The following NCKAP5 variants were observed in gnomAD, a reference collection of about 807,000 sequenced individuals.
NCKAP5 encodes nck-associated protein 5.
In NCKAP5, 92 loss-of-function variants were observed where a neutral mutation model predicts 167.0. The observed-to-expected ratio is 0.55, with a 90% confidence interval of 0.47 to 0.66. NCKAP5 has a LOEUF of 0.66. Among genes scored for constraint, NCKAP5 ranks in the 30% least tolerant of loss-of-function variants. The probability of loss-of-function intolerance (pLI) is 0.00; values close to 1 mark genes in which losing one functional copy is unlikely to be tolerated. For missense variants in NCKAP5, 2,378 were observed against 2,315.0 expected, an observed-to-expected ratio of 1.03 and a Z score of -0.56; for synonymous variants, 891 against 877.4, an observed-to-expected ratio of 1.02 and a Z score of -0.27.
At chr2:132,995,899 G>A (rs891563163) in intron 6 of NCKAP5, among the ~76,000 whole-genome samples, 3 of 151,904 alleles carry the variant, frequency 2.0e-5, no homozygotes, top group Non-Finnish European at 4.4e-5. Flanking sequence ...GTTTGAACCC[G>A]GGAGGCAGAG....
chr2:133,549,982 A>G (rs1321442766), intron 2 of NCKAP5, among the ~76,000 whole-genome samples: 1 of 150,470 alleles, frequency 6.6e-6, no homozygotes, highest in Non-Finnish European at 1.5e-5. Context: ...TACGCAAATA[A>G]ACTAGAAAAT....
At position 132,673,289 on chromosome 2, in the gene NCKAP5, T is replaced by G; in HGVS notation, c.5730A>C (p.Ter1910CysextTer9). 2.0e-6 allele frequency: 3 copies of G among 1,498,544 alleles called. No homozygotes were observed. The highest frequency in any genetic ancestry group is 1.8e-6 in the Non-Finnish European group (2 of 1,114,716). The allele number at this position is 1,498,544 out of a possible 1,614,324, so 92.8% of individuals were successfully genotyped here. The change falls in exon 20 of 20, where the codon TGA becomes TGC. Residue 1910 changes from the stop codon to cysteine (C), a stop_lost. Transcript: ENST00000409261. ...ATTCTCGGGATCGTCTTTTGTTTCTTCAAGTTGTCTCAATTTCTGCAATAA... is the reference window on the plus strand; with the variant it reads ...ATTCTCGGGATCGTCTTTTGTTTCTGCAAGTTGTCTCAATTTCTGCAATAA... ...KSAAPEIETT* is the reference protein window; with the variant it reads ...KSAAPEIETTC
At chr2:133,493,042 T>A (rs1210129062) in intron 3 of NCKAP5, among the ~76,000 whole-genome samples, 1 of 152,212 alleles carries the variant, frequency 6.6e-6, no homozygotes, top group Non-Finnish European at 1.5e-5. Context: ...TACTCTGTAT[T>A]TATTTCAGCC....
chr2:132,816,570 C>T (rs1686291165), intron 11 of NCKAP5, among the ~76,000 whole-genome samples: 2 of 152,140 alleles, frequency 1.3e-5, no homozygotes, highest in Non-Finnish European at 2.9e-5. Context: ...GGCTCCCTCA[C>T]AAGATGGCCT....
chr2:133,166,315 A>G (rs1476561871), intron 5 of NCKAP5, among the ~76,000 whole-genome samples: 2 of 152,234 alleles, frequency 1.3e-5, no homozygotes, highest in African/African-American at 4.8e-5. Context: ...TAGAGATGCA[A>G]TCATAATTTA....
chr2:132,925,942 A>C (rs577189409), intron 8 of NCKAP5, among the ~76,000 whole-genome samples: 1 of 152,284 alleles, frequency 6.6e-6, no homozygotes, highest in African/African-American at 2.4e-5. Context: ...TACATGGATA[A>C]ATTGTGTAGT....
intron 5 of NCKAP5, among the ~76,000 whole-genome samples, chr2:133,196,394 G>T (rs1159758968): frequency 1.3e-5 from 2 of 152,134 alleles, no homozygotes; most frequent in African/African-American, 4.8e-5. Flanking sequence ...AAGGCATAGA[G>T]CTTCCTAAAG....
intron 6 of NCKAP5, among the ~76,000 whole-genome samples, chr2:132,998,502 T>G (rs1042170847): frequency 6.6e-6 from 1 of 152,166 alleles, no homozygotes; most frequent in Non-Finnish European, 1.5e-5. Context: ...TGGTAAAAAA[T>G]CAAGTTGTCC....
the NCKAP5 span, among the ~76,000 whole-genome samples, chr2:133,625,886 A>G: frequency 1.3e-5 from 2 of 151,702 alleles, no homozygotes; most frequent in Non-Finnish European, 2.9e-5. Context: ...AAAAAAAAAA[A>G]AGAATAATAA....
intron 3 of NCKAP5, among the ~76,000 whole-genome samples, chr2:133,477,095 A>G (rs1183137182): frequency 6.6e-6 from 1 of 152,236 alleles, no homozygotes; most frequent in Non-Finnish European, 1.5e-5. Flanking sequence ...ATACTCCCTT[A>G]TGGAGAAACT....
At chr2:133,233,282 C>A (rs1006935939) in intron 4 of NCKAP5, among the ~76,000 whole-genome samples, 1 of 152,096 alleles carries the variant, frequency 6.6e-6, no homozygotes, top group African/African-American at 2.4e-5. Flanking sequence ...ATGGTCCCTG[C>A]CCTCCGAAAG....
intron 11 of NCKAP5, among the ~76,000 whole-genome samples, chr2:132,855,075 G>C (rs1175909955): frequency 6.6e-6 from 1 of 152,102 alleles, no homozygotes; most frequent in Non-Finnish European, 1.5e-5. Context: ...CTTGTCTTTT[G>C]TATAGCTCTT....
intron 19 of NCKAP5, among the ~76,000 whole-genome samples, chr2:132,701,589 G>A (rs1235120243): frequency 1.3e-5 from 2 of 152,186 alleles, no homozygotes; most frequent in Non-Finnish European, 2.9e-5. Context: ...TTCAGGAATA[G>A]GAGGTGCTAT....
chr2:133,128,749 C>T (rs1191553323), intron 6 of NCKAP5, among the ~76,000 whole-genome samples: 1 of 152,074 alleles, frequency 6.6e-6, no homozygotes, highest in Non-Finnish European at 1.5e-5. Context: ...AGGCACCTGC[C>T]ATCATGCCCG....
intron 3 of NCKAP5, among the ~76,000 whole-genome samples, chr2:133,389,380 C>A (rs1687237412): frequency 6.6e-6 from 1 of 152,162 alleles, no homozygotes; most frequent in Non-Finnish European, 1.5e-5. Context: ...ATTATCCCTC[C>A]CAAATGTCAC....
intron 3 of NCKAP5, among the ~76,000 whole-genome samples, chr2:133,396,772 A>G (rs1687756292): frequency 6.6e-6 from 1 of 152,158 alleles, no homozygotes; most frequent in Non-Finnish European, 1.5e-5. Context: ...TAACACATAA[A>G]TTTTTGGAGG....
chr2:132,968,091 G>A (rs554574453), intron 7 of NCKAP5, among the ~76,000 whole-genome samples: 2 of 152,284 alleles, frequency 1.3e-5, no homozygotes, highest in Admixed American at 1.3e-4. Flanking sequence ...TCTAAAAGAG[G>A]AAGGCTAGCA....
intron 3 of NCKAP5, among the ~76,000 whole-genome samples, chr2:133,328,268 T>G (rs1247346371): frequency 1.3e-5 from 2 of 152,218 alleles, no homozygotes; most frequent in East Asian, 3.8e-4. Context: ...GCTGCGTATC[T>G]GCTCTCATTA....
At chr2:133,274,783 GA>G (rs35506573) in intron 4 of NCKAP5, among the ~76,000 whole-genome samples, 20,767 of 145,928 alleles carry the variant, frequency 0.14, 1,798 homozygotes, top group Middle Eastern at 0.23. Flanking sequence ...TGTGATAATG[GA>G]AAAAAAAAAA....
Sources: gnomAD v4.1 joint callset for allele counts (sites outside exome capture counted in the v4.1 genomes callset) on GRCh38, gnomAD v4.1.1 for gene constraint, MANE v1.5 for transcripts, NCBI Gene and HGNC (gene_info 2026-07-23, HGNC 2026-07-21) for gene names.